RIT2: variants seen among roughly 807,000 people sequenced by gnomAD.
RIT2 encodes the protein Ras like without CAAX 2.
RIT2 carries 24 observed loss-of-function variants against 23.7 expected under a neutral mutation model. That is an observed-to-expected ratio of 1.01 (90% CI 0.73 to 1.43). RIT2 has a LOEUF of 1.43. RIT2 is among the 40% of genes most tolerant of loss of function. RIT2 has a pLI of 0.00. For missense variants in RIT2, 236 were observed against 266.9 expected, an observed-to-expected ratio of 0.88 and a Z score of 0.81; for synonymous variants, 107 against 91.1, an observed-to-expected ratio of 1.17 and a Z score of -0.99.
intron 1 of RIT2, among the ~76,000 whole-genome samples, chr18:43,079,819 C>G (rs979308884): frequency 1.3e-5 from 2 of 152,162 alleles, no homozygotes; most frequent in Non-Finnish European, 2.9e-5. Context: ...GACTTCTCCC[C>G]TACAAAGAAA....
chr18:42,860,891 T>C (rs1907308767), intron 4 of RIT2, among the ~76,000 whole-genome samples: 1 of 152,084 alleles, frequency 6.6e-6, no homozygotes, highest in South Asian at 2.1e-4. Flanking sequence ...GGAAAAAAAA[T>C]CTTTCTTAAA....
At chr18:43,056,903 C>A (rs1912515637) in intron 1 of RIT2, among the ~76,000 whole-genome samples, 1 of 151,942 alleles carries the variant, frequency 6.6e-6, no homozygotes, top group Non-Finnish European at 1.5e-5. Flanking sequence ...TTACTCTTGC[C>A]CCTGATACTT....
chr18:42,921,176 GA>G (rs918313527), intron 4 of RIT2, among the ~76,000 whole-genome samples: 6 of 152,020 alleles, frequency 3.9e-5, no homozygotes, highest in Non-Finnish European at 7.4e-5. Context: ...ATTTTGCTCA[GA>G]AAAAACCACT....
rs141573693 is a variant in RIT2 at position 42,894,935 on chromosome 18, A to T, written c.426+28637T>A. Among the ~76,000 whole-genome samples, 950 of 152,334 alleles carry T rather than the reference A, an allele frequency of 6.2e-3. 6 individuals are homozygous for T. Among genetic ancestry groups the T allele is most frequent in the African/African-American group, 0.021 (878 of 41,580 alleles). ...GGCTTTGCCCCTCCAGGTAAATATG[A>T]TGAACATAAATGCAGGTGTTCATTT... is the stretch of plus-strand genomic sequence containing the variant. On this transcript the variant is annotated intron_variant, in intron 4 of 4. Transcript: ENST00000326695.
intron 4 of RIT2, among the ~76,000 whole-genome samples, chr18:42,787,904 A>G (rs1913956904): frequency 6.6e-6 from 1 of 151,804 alleles, no homozygotes; most frequent in African/African-American, 2.4e-5. Context: ...ATTAAAACTG[A>G]TACATTAAAA....
chr18:42,881,388 CA>C (rs1375806321), intron 4 of RIT2, among the ~76,000 whole-genome samples: 2 of 152,112 alleles, frequency 1.3e-5, no homozygotes, highest in Non-Finnish European at 2.9e-5. Context: ...ATTCTTTATT[CA>C]ACCTTTAAAA....
chr18:42,928,825 C>A (rs1039942246), intron 3 of RIT2, among the ~76,000 whole-genome samples: 1 of 151,624 alleles, frequency 6.6e-6, no homozygotes, highest in African/African-American at 2.4e-5. Flanking sequence ...ATATAATTAA[C>A]AAATACCATT....
At chr18:43,108,008 A>AAC (rs1491313135) in intron 1 of RIT2, among the ~76,000 whole-genome samples, 2 of 506 alleles carry the variant, frequency 4.0e-3, no homozygotes, top group Non-Finnish European at 0.042. Context: ...CTAAAAATAC[A>AAC]AAAAAAAAAA....
intron 4 of RIT2, among the ~76,000 whole-genome samples, chr18:42,865,640 T>C (rs548104549): frequency 6.6e-6 from 1 of 152,222 alleles, no homozygotes; most frequent in Admixed American, 6.5e-5. Flanking sequence ...GAAATTGAAG[T>C]TTTAAGAAGA....
chr18:43,077,477 A>G (rs1370026341), intron 1 of RIT2, among the ~76,000 whole-genome samples: 3 of 152,084 alleles, frequency 2.0e-5, no homozygotes, highest in Non-Finnish European at 4.4e-5. Context: ...AAGGAAAAAC[A>G]TCTTCATGTT....
At chr18:42,894,137 C>G (rs1180055179) in intron 4 of RIT2, among the ~76,000 whole-genome samples, 3 of 152,164 alleles carry the variant, frequency 2.0e-5, no homozygotes, top group Non-Finnish European at 4.4e-5. Flanking sequence ...TGTCACCTCC[C>G]TATATATCCT....
At chr18:43,060,114 T>C (rs1418397368) in intron 1 of RIT2, among the ~76,000 whole-genome samples, 2 of 152,126 alleles carry the variant, frequency 1.3e-5, no homozygotes, top group African/African-American at 2.4e-5. Flanking sequence ...AGGTATTTTA[T>C]AGAGAGCAGT....
At chr18:42,990,912 G>GT (rs77172671) in intron 2 of RIT2, among the ~76,000 whole-genome samples, 72,669 of 132,958 alleles carry the variant, frequency 0.55, 21,071 homozygotes, top group Non-Finnish European at 0.65. Context: ...CACTGGTTTT[G>GT]TTTTTTTTTT....
chr18:43,063,604 CTTTAAACTTCAA>C (rs1166967384), intron 1 of RIT2, among the ~76,000 whole-genome samples: 1 of 152,046 alleles, frequency 6.6e-6, no homozygotes, highest in Non-Finnish European at 1.5e-5. Context: ...AGTGAAATGC[CTTTAAACTTCAA>C]TTTTGAGTCA....
intron 4 of RIT2, among the ~76,000 whole-genome samples, chr18:42,828,534 G>A (rs749294102): frequency 4.6e-5 from 7 of 152,124 alleles, no homozygotes; most frequent in African/African-American, 1.4e-4. Flanking sequence ...AATAATTAAC[G>A]AAGTCAGTTG....
At chr18:42,755,506 C>T (rs142291043) in intron 4 of RIT2, among the ~76,000 whole-genome samples, 313 of 152,288 alleles carry the variant, frequency 2.1e-3, no homozygotes, top group Non-Finnish European at 3.3e-3. Flanking sequence ...CACACATCCC[C>T]ACTAATGCCA....
At chr18:43,014,568 C>T (rs184278434) in intron 2 of RIT2, among the ~76,000 whole-genome samples, 2 of 148,088 alleles carry the variant, frequency 1.4e-5, no homozygotes, top group East Asian at 4.0e-4. Context: ...GAGGCCTTTA[C>T]TCCTATCTCA....
At chr18:42,826,606 G>A (rs1005850418) in intron 4 of RIT2, among the ~76,000 whole-genome samples, 31 of 151,942 alleles carry the variant, frequency 2.0e-4, no homozygotes, top group African/African-American at 5.5e-4. Flanking sequence ...CTACCATCCC[G>A]TAGGTTGACA....
intron 4 of RIT2, among the ~76,000 whole-genome samples, chr18:42,782,981 T>C (rs536887958): frequency 6.6e-6 from 1 of 152,186 alleles, no homozygotes; most frequent in Admixed American, 6.5e-5. Context: ...CGTTGATGGG[T>C]ACAGTTATAC....
Sources: allele counts gnomAD v4.1 joint callset (sites outside exome capture counted in the v4.1 genomes callset), GRCh38; gene constraint gnomAD v4.1.1; transcripts MANE v1.5; gene names NCBI Gene and HGNC (gene_info 2026-07-23, HGNC 2026-07-21).